PHLPP1: variants seen among roughly 807,000 people sequenced by gnomAD.
The protein encoded by PHLPP1 is PH domain leucine-rich repeat-containing protein phosphatase 1.
Under a neutral mutation model 117.2 loss-of-function variants are expected in PHLPP1, and 42 were observed. The observed-to-expected ratio is 0.36, with a 90% CI of 0.28 to 0.46. The LOEUF (loss-of-function observed/expected upper bound fraction) is 0.46, where lower values mean the gene tolerates loss of function less well. Among genes scored for constraint, PHLPP1 ranks in the 20% least tolerant of loss-of-function variants. The pLI is 1.00. For synonymous variants in PHLPP1, 1,042 were observed against 970.7 expected (o/e 1.07, Z -1.37); for missense variants, 2,084 against 2,241.9 (o/e 0.93, Z 1.42).
At chr18:62,867,969 G>A (rs1037814848) in intron 4 of PHLPP1, among the ~76,000 whole-genome samples, 9 of 151,892 alleles carry the variant, frequency 5.9e-5, no homozygotes, top group Non-Finnish European at 1.2e-4. Context: ...CCACCACCAC[G>A]CCCGGCTAAT....
chr18:62,971,702 C>CT (rs1253239247), intron 14 of PHLPP1, among the ~76,000 whole-genome samples: 11 of 152,112 alleles, frequency 7.2e-5, no homozygotes, highest in Non-Finnish European at 1.6e-4. Flanking sequence ...CTCTTATTGT[C>CT]CAGTTGGGGT....
chr18:62,793,984 A>G (rs1913545475), intron 1 of PHLPP1, among the ~76,000 whole-genome samples: 1 of 152,192 alleles, frequency 6.6e-6, no homozygotes, highest in Admixed American at 6.5e-5. Flanking sequence ...CTATCCACAT[A>G]TATAGTGACC....
intron 15 of PHLPP1, among the ~76,000 whole-genome samples, chr18:62,973,431 G>C (rs1023131054): frequency 1.6e-4 from 25 of 152,334 alleles, no homozygotes; most frequent in African/African-American, 5.5e-4. Flanking sequence ...TAAGTATTGT[G>C]CTGCAGACTC....
intron 10 of PHLPP1, among the ~76,000 whole-genome samples, chr18:62,939,120 A>G (rs1910057825): frequency 6.6e-6 from 1 of 151,100 alleles, no homozygotes; most frequent in Admixed American, 6.6e-5. Flanking sequence ...CCTCTCGAGT[A>G]GCTGGGATTA....
At chr18:62,848,741 G>A (rs1915247038) in intron 3 of PHLPP1, among the ~76,000 whole-genome samples, 1 of 152,190 alleles carries the variant, frequency 6.6e-6, no homozygotes, top group Non-Finnish European at 1.5e-5. Flanking sequence ...TGGGATGACA[G>A]GCACAAGCTA....
At chr18:62,901,879 C>T (rs1326015543) in intron 6 of PHLPP1, among the ~76,000 whole-genome samples, 5 of 152,106 alleles carry the variant, frequency 3.3e-5, no homozygotes, top group Non-Finnish European at 5.9e-5. Flanking sequence ...ACACCCACCT[C>T]AGCCTCCCAA....
intron 3 of PHLPP1, among the ~76,000 whole-genome samples, chr18:62,848,653 G>A (rs1273301804): frequency 6.6e-6 from 1 of 151,842 alleles, no homozygotes; most frequent in Admixed American, 6.6e-5. Context: ...TTGTAGAGAT[G>A]GGGTCTTGCC....
At position 62,715,889 on chromosome 18, in the gene PHLPP1, G is replaced by T; in HGVS notation, c.206G>T (p.Gly69Val). Residue 69 changes from glycine (G) to valine (V), a missense_variant, in exon 1 of 17, where the codon GGG (glycine) becomes GTG (valine). Gly to Val is a moderately radical substitution (Grantham distance 109). Around this residue, in one of 2 missense-constraint regions of PHLPP1, gnomAD observed 719 missense variants for 636.0 expected, o/e 1.13. Transcript: ENST00000262719. The stretch of plus-strand genomic sequence containing the variant: ...AGCGGCGGGAACGGCAGCGGCAGCG[G>T]GGCGCGGGAAGAGGCCCCAGGCGAG... Reference protein sequence around the residue: ...APSGGNGSGSGAREEAPGEAP... With the variant: ...APSGGNGSGSVAREEAPGEAP... The T allele has an allele frequency of 1.1e-6, 1 of 875,838 alleles. No individual in the cohort carries two copies. The highest frequency in any genetic ancestry group is 1.2e-4 in the East Asian group (1 of 8,642). The allele number at this position is 875,838 out of a possible 1,614,324, so 54.3% of individuals were successfully genotyped here. A position where few individuals can be genotyped will look rare whatever the true frequency, so the allele number is the denominator to read the frequency against.
At chr18:62,919,445 G>A (rs551765419) in intron 9 of PHLPP1, among the ~76,000 whole-genome samples, 1 of 152,292 alleles carries the variant, frequency 6.6e-6, no homozygotes, top group East Asian at 1.9e-4. Context: ...GTGAGGCAAA[G>A]AAGAAATAAT....
chr18:62,750,899 T>C (rs1568102939), intron 1 of PHLPP1, among the ~76,000 whole-genome samples: 1 of 152,132 alleles, frequency 6.6e-6, no homozygotes, highest in Non-Finnish European at 1.5e-5. Flanking sequence ...TCAAGTACAA[T>C]AGAGAGTGGG....
At chr18:62,745,927 G>C (rs1302012916) in intron 1 of PHLPP1, among the ~76,000 whole-genome samples, 2 of 152,168 alleles carry the variant, frequency 1.3e-5, no homozygotes, top group Non-Finnish European at 2.9e-5. Flanking sequence ...TCAGAGACTG[G>C]GTCAGAGGTG....
chr18:62,806,451 C>T (rs1913955244), intron 1 of PHLPP1, among the ~76,000 whole-genome samples: 3 of 152,158 alleles, frequency 2.0e-5, no homozygotes, highest in Admixed American at 1.3e-4. Flanking sequence ...ATGATCATAG[C>T]AGTGGAACTG....
intron 3 of PHLPP1, among the ~76,000 whole-genome samples, chr18:62,846,292 T>C (rs1472342069): frequency 1.3e-5 from 2 of 151,846 alleles, no homozygotes; most frequent in Non-Finnish European, 1.5e-5. Flanking sequence ...ATTGCTCTTG[T>C]ACCAATTCTG....
intron 1 of PHLPP1, among the ~76,000 whole-genome samples, chr18:62,804,768 T>C (rs2144304466): frequency 6.6e-6 from 1 of 151,010 alleles, no homozygotes; most frequent in East Asian, 1.9e-4. Flanking sequence ...ATATACAGTG[T>C]GTGTGTGTAT....
rs1358056957 is a variant in PHLPP1 at position 62,762,444 on chromosome 18, C to G, written c.1576+45185C>G. ...TTTTTTTTTTTTTTTGAGAAGGTCT[C>G]ACAGTTTCACCCAGGCTGGAGTGCA... is the stretch of plus-strand genomic sequence containing the variant. On this transcript the variant is annotated intron_variant, in intron 1 of 16. Coordinates refer to ENST00000262719, the MANE Select transcript of PHLPP1 (RefSeq NM_194449.4). 1.8e-4 allele frequency among the ~76,000 whole-genome samples: 24 copies of G among 130,624 alleles called. 1 individual carries two copies. In the Middle Eastern group the frequency reaches 0.016, roughly 88 times the overall value. The allele number at this position is 130,624 out of a possible 152,430, so 85.7% of individuals were successfully genotyped here.
intron 15 of PHLPP1, among the ~76,000 whole-genome samples, chr18:62,972,923 C>T (rs941283496): frequency 3.3e-5 from 5 of 152,212 alleles, no homozygotes; most frequent in African/African-American, 1.2e-4. Flanking sequence ...GTAGAAGGCT[C>T]AGACAATGAC....
chr18:62,735,032 A>C (rs1381319798), intron 1 of PHLPP1, among the ~76,000 whole-genome samples: 1 of 151,488 alleles, frequency 6.6e-6, no homozygotes, highest in Non-Finnish European at 1.5e-5. Context: ...GCTTAAGAGG[A>C]TGTCATTCTT....
At chr18:62,790,076 A>G (rs1913413660) in intron 1 of PHLPP1, among the ~76,000 whole-genome samples, 1 of 152,240 alleles carries the variant, frequency 6.6e-6, no homozygotes. Context: ...AGATTGCATA[A>G]AAGAGAGTCA....
intron 1 of PHLPP1, among the ~76,000 whole-genome samples, chr18:62,768,299 T>C (rs1453044741): frequency 6.6e-6 from 1 of 152,136 alleles, no homozygotes; most frequent in Non-Finnish European, 1.5e-5. Flanking sequence ...CAGTCAGTAG[T>C]CACCTTGAGA....
Sources: gnomAD v4.1 joint callset for allele counts (sites outside exome capture counted in the v4.1 genomes callset) on GRCh38, gnomAD v4.1.1 for gene constraint, gnomAD v4.1.1 regional missense constraint, MANE v1.5 for transcripts, NCBI Gene and HGNC (gene_info 2026-07-23, HGNC 2026-07-21) for gene names.